WDR37: variants seen among roughly 807,000 people sequenced by gnomAD.
WDR37 encodes the protein WD repeat-containing protein 37.
In WDR37, 19 loss-of-function variants were observed where a neutral mutation model predicts 62.9. The observed-to-expected ratio is 0.30, with a 90% CI of 0.21 to 0.44. WDR37 has a LOEUF of 0.44. WDR37 is among the 20% of genes least tolerant of loss of function. The probability of loss-of-function intolerance (pLI) is 1.00; values close to 1 mark genes in which losing one functional copy is unlikely to be tolerated. For missense variants in WDR37, 474 were observed against 657.6 expected (o/e 0.72, Z 3.05); for synonymous variants, 250 against 260.9 (o/e 0.96, Z 0.40).
chr10:1,095,763 C>A (rs996679771), intron 8 of WDR37, among the ~76,000 whole-genome samples: 1 of 152,168 alleles, frequency 6.6e-6, no homozygotes, highest in Non-Finnish European at 1.5e-5. Context: ...CATTGAAAGG[C>A]CGCGTGTGTG....
intron 8 of WDR37, among the ~76,000 whole-genome samples, chr10:1,094,563 C>G (rs1396753916): frequency 1.3e-5 from 2 of 152,066 alleles, no homozygotes; most frequent in African/African-American, 2.4e-5. Context: ...TGGATGAAGA[C>G]TAAAGCAGAC....
chr10:1,113,758 G>A (rs1354514228), intron 11 of WDR37, among the ~76,000 whole-genome samples: 1 of 152,152 alleles, frequency 6.6e-6, no homozygotes, highest in East Asian at 1.9e-4. Flanking sequence ...TTGAATGGAC[G>A]AGGAACTGCT....
chr10:1,074,363 C>T (rs1833804910), intron 2 of WDR37: 2 of 1,268,554 alleles, frequency 1.6e-6, no homozygotes, highest in Admixed American at 2.4e-5. Flanking sequence ...TCATGGTAAC[C>T]CTCACGAAGG....
At chr10:1,100,918 G>A (rs967435666) in intron 9 of WDR37, among the ~76,000 whole-genome samples, 21 of 152,280 alleles carry the variant, frequency 1.4e-4, no homozygotes, top group African/African-American at 4.6e-4. Context: ...CCCCCGTCCC[G>A]ACTGAGCTGC....
intron 1 of WDR37, among the ~76,000 whole-genome samples, chr10:1,065,391 C>T (rs1833503935): frequency 6.6e-6 from 1 of 151,626 alleles, no homozygotes; most frequent in African/African-American, 2.4e-5. Flanking sequence ...AAAAGTTATA[C>T]AAAACAGGCA....
chr10:1,122,246 G>A (rs1223091908), intron 11 of WDR37, among the ~76,000 whole-genome samples: 1 of 152,184 alleles, frequency 6.6e-6, no homozygotes, highest in Non-Finnish European at 1.5e-5. Flanking sequence ...AGTGATTTGT[G>A]ACGACAAGAG....
intron 2 of WDR37, chr10:1,074,645 G>A: frequency 1.5e-6 from 1 of 686,228 alleles, no homozygotes; most frequent in Non-Finnish European, 2.2e-6. Flanking sequence ...GTTTGGCATG[G>A]TAGGTGTGAG....
intron 1 of WDR37, among the ~76,000 whole-genome samples, chr10:1,058,087 G>GGAGGTA (rs370967462): frequency 6.6e-6 from 1 of 151,884 alleles, no homozygotes; most frequent in Non-Finnish European, 1.5e-5. Flanking sequence ...ATGTAAATAT[G>GGAGGTA]AACTCACCAA....
chr10:1,104,934 T>A (rs1315646181), intron 10 of WDR37, among the ~76,000 whole-genome samples, 192 bp from the exon 11 acceptor site: 1 of 152,210 alleles, frequency 6.6e-6, no homozygotes, highest in Non-Finnish European at 1.5e-5. Context: ...TCCTTTGACA[T>A]GGACGGCTGA....
intron 9 of WDR37, among the ~76,000 whole-genome samples, chr10:1,100,275 C>G (rs1369883232): frequency 7.4e-6 from 1 of 134,404 alleles, no homozygotes; most frequent in Non-Finnish European, 1.7e-5. Context: ...GTGACTTGAG[C>G]TGTCCTGGGA....
chr10:1,123,930 A>T, intron 11 of WDR37: 1 of 357,668 alleles, frequency 2.8e-6, no homozygotes. Flanking sequence ...ACATTTGGGC[A>T]TGTTCTGTCC....
At chr10:1,067,149 T>C (rs1395105853) in intron 1 of WDR37, among the ~76,000 whole-genome samples, 1 of 152,116 alleles carries the variant, frequency 6.6e-6, no homozygotes, top group Admixed American at 6.5e-5. Flanking sequence ...ACAAGTACAG[T>C]GAGTTGATTT....
At chr10:1,062,833 A>T (rs889627827) in intron 1 of WDR37, among the ~76,000 whole-genome samples, 5 of 152,204 alleles carry the variant, frequency 3.3e-5, no homozygotes, top group African/African-American at 1.2e-4. Context: ...CACGCCTGTA[A>T]TCCAAGCACT....
At position 1,131,439 on chromosome 10, in the gene WDR37, T is replaced by C. The variant is rs1835944245; in HGVS notation, c.*2095T>C. ...AGCTTTTAAAAGTCAATATTCCTAG[T>C]GGCCACTGAGTTCCAGGCACACTGG... On this transcript the variant is annotated 3_prime_UTR_variant, in exon 14 of 14. Coordinates refer to ENST00000263150, the MANE Select transcript of WDR37 (RefSeq NM_014023.4). 1 of 152,274 alleles carries C rather than the reference T, an allele frequency of 6.6e-6. No homozygotes were observed. Among genetic ancestry groups the C allele is most frequent in the Admixed American group, 6.5e-5 (1 of 15,286 alleles). The allele number at this position is 152,274 out of a possible 1,614,324, so 9.4% of individuals were successfully genotyped here.
At chr10:1,083,214 G>A (rs1207116795) in intron 5 of WDR37, among the ~76,000 whole-genome samples, 2 of 152,230 alleles carry the variant, frequency 1.3e-5, no homozygotes, top group African/African-American at 4.8e-5. Flanking sequence ...GGATATTAGT[G>A]TTCAGAAAGA....
chr10:1,080,721 C>T (rs1834000561), intron 5 of WDR37, among the ~76,000 whole-genome samples: 1 of 152,088 alleles, frequency 6.6e-6, no homozygotes. Flanking sequence ...GCTTGGACAA[C>T]ATGGTGAAAC....
intron 11 of WDR37, among the ~76,000 whole-genome samples, chr10:1,116,326 C>T (rs1835397858): frequency 6.6e-6 from 1 of 151,936 alleles, no homozygotes; most frequent in Admixed American, 6.6e-5. Context: ...CCCACCCCTC[C>T]CCGGGTCTCT....
intron 5 of WDR37, among the ~76,000 whole-genome samples, chr10:1,083,679 G>A (rs1834099974): frequency 6.6e-6 from 1 of 152,228 alleles, no homozygotes; most frequent in Non-Finnish European, 1.5e-5. Flanking sequence ...GAGGGCATGA[G>A]AACTGTCTGC....
chr10:1,105,007 C>A lies in WDR37; in HGVS notation c.962-119C>A. On this transcript the variant is annotated intron_variant, in intron 10 of 13. Transcript: ENST00000263150. The surrounding 1 kb of genome is among the most constrained non-coding windows in gnomAD (Gnocchi z 5.3). Reference sequence around the variant, plus strand: ...TGACCCACATGCTGCTGAGTGATTCCATTAGGTCAGGTTCACAGTCTCAGA... The same window carrying A: ...TGACCCACATGCTGCTGAGTGATTCAATTAGGTCAGGTTCACAGTCTCAGA... The A allele has an allele frequency of 8.0e-7, 1 of 1,257,162 alleles. No individual in the cohort carries two copies. The highest frequency in any genetic ancestry group is 1.1e-6 in the Non-Finnish European group (1 of 924,082). The allele number at this position is 1,257,162 out of a possible 1,614,324, so 77.9% of individuals were successfully genotyped here.
Sources: gnomAD v4.1 joint callset for allele counts (sites outside exome capture counted in the v4.1 genomes callset) on GRCh38, gnomAD v4.1.1 for gene constraint, Gnocchi (gnomAD v3.1) non-coding constraint, MANE v1.5 for transcripts, NCBI Gene and HGNC (gene_info 2026-07-23, HGNC 2026-07-21) for gene names.